Variants in AK5 observed in about 807,000 individuals in gnomAD.
AK5 encodes the protein adenylate kinase 5.
In AK5, 27 loss-of-function variants were observed where a neutral mutation model predicts 69.5. That is an observed-to-expected ratio of 0.39 (90% CI 0.29 to 0.54). The LOEUF is 0.54. AK5 is among the 20% of genes least tolerant of loss of function. AK5 has a pLI of 0.71. For synonymous variants in AK5, 260 were observed against 244.4 expected, an observed-to-expected ratio of 1.06 and a Z score of -0.60; for missense variants, 531 against 700.4, an observed-to-expected ratio of 0.76 and a Z score of 2.73.
rs768000964 is a variant in AK5 at position 77,478,342 on chromosome 1, T to C, written c.1060-4975T>C. On this transcript the variant is annotated intron_variant, in intron 8 of 13. Transcript: ENST00000354567. ...CCCACATGTTGTGGGAGGGATCTGG[T>C]GGGAAATGATTGAATCATGGGGGCG... is the stretch of plus-strand genomic sequence containing the variant. 2.2e-4 allele frequency among the ~76,000 whole-genome samples: 33 copies of C among 152,274 alleles called. 1 individual carries two copies. Among genetic ancestry groups the C allele is most frequent in the Middle Eastern group, 3.4e-3 (1 of 294 alleles).
intron 5 of AK5, among the ~76,000 whole-genome samples, chr1:77,329,327 T>A (rs1427133719): frequency 2.6e-5 from 4 of 152,124 alleles, no homozygotes; most frequent in Non-Finnish European, 5.9e-5. Context: ...TGACCACTCA[T>A]TTCTGTGTAG....
intron 13 of AK5, among the ~76,000 whole-genome samples, chr1:77,554,096 G>C (rs1659953966): frequency 6.6e-6 from 1 of 152,186 alleles, no homozygotes; most frequent in African/African-American, 2.4e-5. Context: ...AATGTCCTGA[G>C]TAGGCAAATC....
At chr1:77,386,136 A>G (rs1008318854) in intron 6 of AK5, among the ~76,000 whole-genome samples, 4 of 152,200 alleles carry the variant, frequency 2.6e-5, no homozygotes, top group Non-Finnish European at 5.9e-5. Context: ...TGGCAATCAC[A>G]GAGTAATTTT....
chr1:77,462,829 A>G (rs1437852749), intron 8 of AK5, among the ~76,000 whole-genome samples: 1 of 152,232 alleles, frequency 6.6e-6, no homozygotes, highest in Non-Finnish European at 1.5e-5. Flanking sequence ...GATAGCTAAG[A>G]AGACAATTAT....
intron 8 of AK5, among the ~76,000 whole-genome samples, chr1:77,468,965 A>C (rs1424937916): frequency 1.3e-5 from 2 of 152,236 alleles, no homozygotes; most frequent in Non-Finnish European, 2.9e-5. Flanking sequence ...TCTTGGGGAA[A>C]TTATAGCAGA....
intron 6 of AK5, among the ~76,000 whole-genome samples, chr1:77,374,143 G>T (rs114059967): frequency 2.0e-5 from 3 of 152,234 alleles, no homozygotes; most frequent in Non-Finnish European, 4.4e-5. Context: ...CTTTACTGAG[G>T]CATGTACCAA....
chr1:77,348,210 A>G (rs1662008163), intron 6 of AK5, among the ~76,000 whole-genome samples: 1 of 152,236 alleles, frequency 6.6e-6, no homozygotes, highest in Non-Finnish European at 1.5e-5. Flanking sequence ...AGTAGAAAGC[A>G]AGGCTCTCAC....
intron 8 of AK5, among the ~76,000 whole-genome samples, chr1:77,423,383 C>A (rs1313674441): frequency 3.9e-5 from 6 of 151,944 alleles, no homozygotes; most frequent in Admixed American, 3.9e-4. Flanking sequence ...CAGAGGCCAC[C>A]TCTTCTTCAA....
intron 6 of AK5, among the ~76,000 whole-genome samples, chr1:77,365,999 TAAAGA>T (rs2100450391): frequency 6.6e-6 from 1 of 152,290 alleles, no homozygotes; most frequent in African/African-American, 2.4e-5. Flanking sequence ...AAATCACCAC[TAAAGA>T]ACTTATCCAT....
chr1:77,428,874 A>G (rs1651400873), intron 8 of AK5, among the ~76,000 whole-genome samples: 1 of 151,806 alleles, frequency 6.6e-6, no homozygotes, highest in African/African-American at 2.4e-5. Flanking sequence ...TGTCCTTGCG[A>G]TAGTTTGCTG....
intron 7 of AK5, among the ~76,000 whole-genome samples, chr1:77,412,656 A>G (rs1650123211): frequency 6.6e-6 from 1 of 152,134 alleles, no homozygotes; most frequent in Non-Finnish European, 1.5e-5. Context: ...GACTCACCCA[A>G]TAAATAAGTC....
At chr1:77,478,063 A>G (rs1230237102) in intron 8 of AK5, among the ~76,000 whole-genome samples, 12 of 152,210 alleles carry the variant, frequency 7.9e-5, no homozygotes, top group Admixed American at 7.2e-4. Flanking sequence ...GGTTAGTGTC[A>G]GAGAGCTGAC....
intron 8 of AK5, among the ~76,000 whole-genome samples, chr1:77,426,044 A>T (rs1013360504): frequency 2.6e-5 from 4 of 152,214 alleles, no homozygotes; most frequent in African/African-American, 9.6e-5. Flanking sequence ...AAAAGGCAGA[A>T]AAAGTTTGCC....
intron 13 of AK5, among the ~76,000 whole-genome samples, chr1:77,553,436 G>A (rs902847063): frequency 2.6e-5 from 4 of 152,242 alleles, no homozygotes; most frequent in Non-Finnish European, 4.4e-5. Context: ...CACTACACAT[G>A]TGCCTCAATT....
chr1:77,295,624 G>T (rs12079234), intron 3 of AK5, among the ~76,000 whole-genome samples: 15,344 of 152,014 alleles, frequency 0.1, 965 homozygotes, highest in East Asian at 0.2. Context: ...TAATCGGGAA[G>T]TATCTCATCA....
At chr1:77,324,357 TACTC>T (rs1223576442) in intron 5 of AK5, among the ~76,000 whole-genome samples, 24 of 146,004 alleles carry the variant, frequency 1.6e-4, no homozygotes, top group Non-Finnish European at 2.7e-4. Context: ...GTGTGTGTCT[TACTC>T]ATGGCTATAG....
At chr1:77,514,699 C>T (rs1657541501) in intron 10 of AK5, among the ~76,000 whole-genome samples, 1 of 152,194 alleles carries the variant, frequency 6.6e-6, no homozygotes, top group South Asian at 2.1e-4. Flanking sequence ...CAACACACAG[C>T]TGTTGTTAAT....
chr1:77,310,845 T>G (rs1659910339), intron 5 of AK5, among the ~76,000 whole-genome samples: 2 of 152,254 alleles, frequency 1.3e-5, no homozygotes, highest in South Asian at 4.1e-4. Flanking sequence ...CCATGAACAT[T>G]GTCATGTCAC....
intron 1 of AK5, among the ~76,000 whole-genome samples, chr1:77,284,300 T>C (rs567651995): frequency 3.3e-5 from 5 of 152,214 alleles, no homozygotes; most frequent in Non-Finnish European, 5.9e-5. Context: ...CTAAAAACTT[T>C]AGGTTTTTAA....
Sources: allele counts gnomAD v4.1 joint callset (sites outside exome capture counted in the v4.1 genomes callset), GRCh38; gene constraint gnomAD v4.1.1; transcripts MANE v1.5; gene names NCBI Gene and HGNC (gene_info 2026-07-23, HGNC 2026-07-21).